Variants in CDKN1A observed in about 807,000 individuals in gnomAD.
CDKN1A encodes the protein cyclin-dependent kinase inhibitor 1.
In CDKN1A, 14 loss-of-function variants were observed where a neutral mutation model predicts 14.8. The ratio of observed to expected loss-of-function variants is 0.94; its 90% CI spans 0.62 to 1.48. The LOEUF (loss-of-function observed/expected upper bound fraction) is 1.48, where lower values mean the gene tolerates loss of function less well. Among genes scored for constraint, CDKN1A ranks in the 40% most tolerant of loss-of-function variants. CDKN1A has a pLI of 0.00. For missense variants in CDKN1A, 203 were observed against 231.7 expected (o/e 0.88, Z 0.80); for synonymous variants, 92 against 93.5 (o/e 0.98, Z 0.09).
upstream of CDKN1A, chr6:36,678,189 T>C (rs1305764115): frequency 2.9e-6 from 1 of 339,706 alleles, no homozygotes; most frequent in East Asian, 7.3e-5. This position sits in a 1 kb window ranked among gnomAD's most constrained non-coding sequence, Gnocchi z 5.7. Flanking sequence ...AGAGGTGACC[T>C]AGTGAGGGAT....
rs546335483 is a variant in CDKN1A at position 36,686,417 on chromosome 6, C to T, written c.*617C>T. ...TACCCTCCTGGCTCTTGATACCCCC[C>T]TCTGTCTTGTGAAGGCAGGGGGAAG... On this transcript the variant is annotated 3_prime_UTR_variant, in exon 3 of 3. Coordinates refer to ENST00000244741, the MANE Select transcript of CDKN1A (RefSeq NM_000389.5). The surrounding 1 kb of genome is among the most constrained non-coding windows in gnomAD (Gnocchi z 4.9). The T allele has an allele frequency of 1.0e-4, 25 of 241,256 alleles. 1 individual carries two copies. In the South Asian group the frequency reaches 4.0e-3, roughly 38 times the overall value. 14.9% of individuals were successfully genotyped at this position (241,256 alleles called of 1,614,324 possible).
At chr6:36,679,713 G>A (rs3176330) in intron 1 of CDKN1A, among the ~76,000 whole-genome samples, 14,902 of 152,260 alleles carry the variant, frequency 0.098, 969 homozygotes, top group Non-Finnish European at 0.13. Flanking sequence ...CAGCCTGTCA[G>A]TCGGGGAAGG....
chr6:36,678,567 A>G (rs1670183899), upstream of CDKN1A: 1 of 743,142 alleles, frequency 1.3e-6, no homozygotes, highest in African/African-American at 1.9e-5. The surrounding 1 kb of genome is among the most constrained non-coding windows in gnomAD (Gnocchi z 5.7). Context: ...GGCCAGGCTC[A>G]GCTGGCTCGG....
chr6:36,685,821 A>G lies in CDKN1A; in HGVS notation c.*21A>G, dbSNP rs770267002. On this transcript the variant is annotated 3_prime_UTR_variant, in exon 3 of 3. Coordinates refer to ENST00000244741, the MANE Select transcript of CDKN1A (RefSeq NM_000389.5). ...CCTAATCCGCCCACAGGAAGCCTGCAGTCCTGGAAGCGCGAGGGCCTCAAA... is the reference window on the plus strand; with the variant it reads ...CCTAATCCGCCCACAGGAAGCCTGCGGTCCTGGAAGCGCGAGGGCCTCAAA... The G allele has an allele frequency of 6.2e-7, 1 of 1,613,064 alleles. No individual in the cohort carries two copies. Among genetic ancestry groups the G allele is most frequent in the South Asian group, 1.1e-5 (1 of 91,068 alleles).
chr6:36,677,026 T>A (rs925281230), upstream of CDKN1A, among the ~76,000 whole-genome samples: 1 of 152,216 alleles, frequency 6.6e-6, no homozygotes, highest in Non-Finnish European at 1.5e-5. Context: ...CTATTTGAAA[T>A]GCCTGAAAGC....
intron 1 of CDKN1A, among the ~76,000 whole-genome samples, chr6:36,681,334 T>TTTTTTCTTTCTTTCTC (rs1761966042): frequency 1.2e-5 from 1 of 86,058 alleles, no homozygotes; most frequent in Non-Finnish European, 2.5e-5. Context: ...CTTTCTTTCT[T>TTTTTTCTTTCTTTCTC]TTTCTTTCTT....
chr6:36,677,591 A>G, upstream of CDKN1A: 2 of 367,522 alleles, frequency 5.4e-6, no homozygotes, highest in Non-Finnish European at 5.3e-6. Context: ...TGTGTCTGTC[A>G]GAAGAACCAG....
intron 1 of CDKN1A, among the ~76,000 whole-genome samples, chr6:36,681,654 G>T (rs998974603): frequency 8.3e-5 from 12 of 144,090 alleles, no homozygotes; most frequent in Admixed American, 7.2e-4. Flanking sequence ...GTGCAGTGGC[G>T]TGATCTCGGC....
chr6:36,684,586 G>A lies in CDKN1A; in HGVS notation c.445+40G>A, dbSNP rs45549634. The A allele has an allele frequency of 6.3e-7, 1 of 1,583,894 alleles. No individual in the cohort carries two copies. Among genetic ancestry groups the A allele is most frequent in the Non-Finnish European group, 8.7e-7 (1 of 1,154,198 alleles). The stretch of plus-strand genomic sequence containing the variant: ...ACGGAAGGACTTTGTAAGGGACCAG[G>A]ATTCTCAGAATCCATGGTCCAAGGG... On this transcript the variant is annotated intron_variant, in intron 2 of 2. Transcript: ENST00000244741. This position sits in a 1 kb window ranked among gnomAD's most constrained non-coding sequence, Gnocchi z 6.0.
intron 1 of CDKN1A, among the ~76,000 whole-genome samples, chr6:36,681,386 T>C (rs1761983018): frequency 1.0e-5 from 1 of 96,964 alleles, no homozygotes; most frequent in Non-Finnish European, 2.0e-5. Flanking sequence ...TCTTTCTTTC[T>C]TTCTTTCTTT....
In CDKN1A at chr6:36,684,029, A is replaced by C; in HGVS notation, c.-5-68A>C. On this transcript the variant is annotated intron_variant, in intron 1 of 2. Coordinates refer to ENST00000244741, the MANE Select transcript of CDKN1A (RefSeq NM_000389.5). This position sits in a 1 kb window ranked among gnomAD's most constrained non-coding sequence, Gnocchi z 6.0. ...GACGTCACCTGAGGTGACACAGCAA[A>C]GCCCGGCCAGGTAACATAGTGTCTA... The C allele has an allele frequency of 6.7e-7, 1 of 1,496,000 alleles. No individual in the cohort carries two copies. The highest frequency in any genetic ancestry group is 1.2e-5 in the South Asian group (1 of 85,030). The allele number at this position is 1,496,000 out of a possible 1,614,324, so 92.7% of individuals were successfully genotyped here. A position where few individuals can be genotyped will look rare whatever the true frequency, so the allele number is the denominator to read the frequency against.
intron 1 of CDKN1A, among the ~76,000 whole-genome samples, chr6:36,681,351 T>TTTC (rs1761971535): frequency 2.9e-5 from 3 of 103,918 alleles, no homozygotes; most frequent in Non-Finnish European, 6.1e-5. Flanking sequence ...TCTTTCTTTC[T>TTTC]TTTTCTTTCT....
rs558863376 is a variant in CDKN1A, at chr6:36,684,466, G to A, written c.365G>A (p.Arg122His). 2.2e-5 allele frequency: 36 copies of A among 1,614,176 alleles called. No individual in the cohort carries two copies. The highest frequency in any genetic ancestry group is 4.0e-5 in the African/African-American group (3 of 75,058). Reference sequence around the variant, plus strand: ...TCACTGTCTTGTACCCTTGTGCCTCGCTCAGGGGAGCAGGCTGAAGGGTCC... The same window carrying A: ...TCACTGTCTTGTACCCTTGTGCCTCACTCAGGGGAGCAGGCTGAAGGGTCC... Reference protein sequence around the residue: ...DLSLSCTLVPRSGEQAEGSPG... With the variant: ...DLSLSCTLVPHSGEQAEGSPG... Residue 122 changes from arginine (R) to histidine (H), a missense_variant, in exon 2 of 3, where the codon CGC (arginine) becomes CAC (histidine). By Grantham distance (29) the Arg-to-His change is conservative. Coordinates refer to ENST00000244741, the MANE Select transcript of CDKN1A (RefSeq NM_000389.5). This position sits in a 1 kb window ranked among gnomAD's most constrained non-coding sequence, Gnocchi z 6.0.
rs2150314353 is a variant in CDKN1A, at chr6:36,684,483, G to A, written c.382G>A (p.Glu128Lys). The change falls in exon 2 of 3, where the codon GAA (glutamate) becomes AAA (lysine). Residue 128 changes from glutamate (E) to lysine (K), a missense_variant. By Grantham distance (56) the Glu-to-Lys change is moderately conservative (BLOSUM62 1). Transcript: ENST00000244741. The surrounding 1 kb of genome is among the most constrained non-coding windows in gnomAD (Gnocchi z 6.0). ...TGTGCCTCGCTCAGGGGAGCAGGCT[G>A]AAGGGTCCCCAGGTGGACCTGGAGA... ...TLVPRSGEQAEGSPGGPGDSQ... is the reference protein window; with the variant it reads ...TLVPRSGEQAKGSPGGPGDSQ... 23 of 1,614,254 alleles carry A rather than the reference G, an allele frequency of 1.4e-5. No individual in the cohort carries two copies. Among genetic ancestry groups the A allele is most frequent in the Non-Finnish European group, 1.9e-5 (23 of 1,180,034 alleles).
In CDKN1A at chr6:36,684,208, C is replaced by A. The variant is rs746709171; in HGVS notation, c.107C>A (p.Ala36Glu). 6.2e-7 allele frequency: 1 copy of A among 1,611,942 alleles called. No homozygotes were observed. The highest frequency in any genetic ancestry group is 8.5e-7 in the Non-Finnish European group (1 of 1,179,984). The change falls in exon 2 of 3, where the codon GCG becomes GAG. Residue 36 changes from alanine (A) to glutamate (E), a missense_variant. Ala to Glu is a moderately radical substitution (Grantham distance 107). Coordinates refer to ENST00000244741, the MANE Select transcript of CDKN1A (RefSeq NM_000389.5). This position sits in a 1 kb window ranked among gnomAD's most constrained non-coding sequence, Gnocchi z 6.0. The stretch of plus-strand genomic sequence containing the variant: ...GAGCAGCTGAGCCGCGACTGTGATG[C>A]GCTAATGGCGGGCTGCATCCAGGAG... ...DSEQLSRDCD[A>E]LMAGCIQEAR...
In CDKN1A at chr6:36,684,381, C is replaced by T. The variant is rs1236971182; in HGVS notation, c.280C>T (p.Arg94Trp). 25 of 1,613,044 alleles carry T rather than the reference C, an allele frequency of 1.5e-5. No homozygotes were observed. The highest frequency in any genetic ancestry group is 3.3e-4 in the Middle Eastern group (2 of 6,062). The change falls in exon 2 of 3, where the codon CGG becomes TGG. Residue 94 changes from arginine to tryptophan, a missense_variant. Coordinates refer to ENST00000244741, the MANE Select transcript of CDKN1A (RefSeq NM_000389.5). This position sits in a 1 kb window ranked among gnomAD's most constrained non-coding sequence, Gnocchi z 6.0. ...RGRDELGGGR[R>W]PGTSPALLQG... ...CCGGGATGAGTTGGGAGGAGGCAGG[C>T]GGCCTGGCACCTCACCTGCTCTGCT...
chr6:36,686,396 C>T lies in CDKN1A; in HGVS notation c.*596C>T, dbSNP rs2150316035. 8.3e-6 allele frequency: 2 copies of T among 241,066 alleles called. No homozygotes were observed. The highest frequency in any genetic ancestry group is 1.3e-3 in the Middle Eastern group (1 of 796). 14.9% of individuals were successfully genotyped at this position (241,066 alleles called of 1,614,324 possible). A position where few individuals can be genotyped will look rare whatever the true frequency, so the allele number is the denominator to read the frequency against. Reference sequence around the variant, plus strand: ...AGGGCTGAGCTGGGGACCTGGTACCCTCCTGGCTCTTGATACCCCCCTCTG... The same window carrying T: ...AGGGCTGAGCTGGGGACCTGGTACCTTCCTGGCTCTTGATACCCCCCTCTG... On this transcript the variant is annotated 3_prime_UTR_variant, in exon 3 of 3. Transcript: ENST00000244741. The surrounding 1 kb of genome is among the most constrained non-coding windows in gnomAD (Gnocchi z 4.9).
chr6:36,678,043 T>A, upstream of CDKN1A: 1 of 451,698 alleles, frequency 2.2e-6, no homozygotes, highest in Non-Finnish European at 4.2e-6. The surrounding 1 kb of genome is among the most constrained non-coding windows in gnomAD (Gnocchi z 5.7). Context: ...CCCGGAAGCA[T>A]GTGACAATCA....
chr6:36,677,310 C>T (rs1030424924), upstream of CDKN1A, among the ~76,000 whole-genome samples: 11 of 152,126 alleles, frequency 7.2e-5, no homozygotes, highest in African/African-American at 1.2e-4. Context: ...CCTGTCCTCC[C>T]CGAGGTCAGC....
Sources: allele counts gnomAD v4.1 joint callset (sites outside exome capture counted in the v4.1 genomes callset), GRCh38; gene constraint gnomAD v4.1.1; non-coding constraint Gnocchi (gnomAD v3.1); transcripts MANE v1.5; gene names NCBI Gene and HGNC (gene_info 2026-07-23, HGNC 2026-07-21).